Variants in PRKCB observed in about 807,000 individuals in gnomAD.
The protein encoded by PRKCB is protein kinase C beta type.
In PRKCB, 13 loss-of-function variants were observed where a neutral mutation model predicts 81.5. The ratio of observed to expected loss-of-function variants is 0.16; its 90% CI spans 0.10 to 0.25. The LOEUF (loss-of-function observed/expected upper bound fraction) is 0.25, where lower values mean the gene tolerates loss of function less well. PRKCB is among the 10% of genes least tolerant of loss of function. The pLI is 1.00. For synonymous variants in PRKCB, 335 were observed against 321.4 expected, an observed-to-expected ratio of 1.04 and a Z score of -0.45; for missense variants, 509 against 875.7, an observed-to-expected ratio of 0.58 and a Z score of 5.29.
At chr16:24,055,244 C>T (rs1046450875) in intron 5 of PRKCB, among the ~76,000 whole-genome samples, 11 of 152,238 alleles carry the variant, frequency 7.2e-5, no homozygotes, top group African/African-American at 2.4e-4. Context: ...AAGCTGACTG[C>T]TCTGAAACCC....
intron 2 of PRKCB, among the ~76,000 whole-genome samples, chr16:23,839,083 C>T (rs193096433): frequency 3.9e-5 from 6 of 152,274 alleles, no homozygotes; most frequent in Middle Eastern, 3.4e-3. Flanking sequence ...ATTTTTACCA[C>T]GGATCTTCTA....
chr16:23,912,859 C>T (rs899727870), intron 2 of PRKCB, among the ~76,000 whole-genome samples: 9 of 137,768 alleles, frequency 6.5e-5, no homozygotes, highest in Non-Finnish European at 1.5e-4. Context: ...GAGTCATGCT[C>T]TGTTGCCTAG....
In PRKCB at chr16:24,019,470, A is replaced by G. The variant is rs529018598; in HGVS notation, c.289-12666A>G. Among the ~76,000 whole-genome samples the G allele has an allele frequency of 1.1e-3, 165 of 152,312 alleles. 1 individual carries two copies. The highest frequency in any genetic ancestry group is 3.8e-3 in the African/African-American group (156 of 41,574). ...GATTTTTTTGTTTGTTTCACTTAAA[A>G]AATACAACCTTGGTCGGGTGCAGTG... On this transcript the variant is annotated intron_variant, in intron 3 of 16. Coordinates refer to ENST00000643927, the MANE Select transcript of PRKCB (RefSeq NM_002738.7).
At chr16:24,046,630 G>A (rs1219939035) in intron 5 of PRKCB, among the ~76,000 whole-genome samples, 1 of 152,094 alleles carries the variant, frequency 6.6e-6, no homozygotes, top group Admixed American at 6.5e-5. Flanking sequence ...CCAGAGGGAA[G>A]AGTGAAGCAG....
chr16:24,068,274 A>G (rs931428122), intron 5 of PRKCB, among the ~76,000 whole-genome samples: 2 of 152,154 alleles, frequency 1.3e-5, no homozygotes, highest in Non-Finnish European at 2.9e-5. Flanking sequence ...GAGAAAAATC[A>G]ATGCCTAGCG....
chr16:24,032,094 T>A (rs3729894), intron 3 of PRKCB, 42 bp from the exon 4 acceptor site: 1 of 1,409,954 alleles, frequency 7.1e-7, no homozygotes, highest in Non-Finnish European at 1.0e-6. Flanking sequence ...GTTGGCATGC[T>A]CCACTGACGC....
chr16:24,202,022 C>G (rs1967964992), intron 16 of PRKCB, among the ~76,000 whole-genome samples: 2 of 144,150 alleles, frequency 1.4e-5, no homozygotes, highest in South Asian at 4.4e-4. Flanking sequence ...GGCAAAAGAG[C>G]GAGACTCCGT....
intron 4 of PRKCB, among the ~76,000 whole-genome samples, chr16:24,033,323 A>T (rs1283360207): frequency 6.6e-6 from 1 of 152,190 alleles, no homozygotes; most frequent in East Asian, 1.9e-4. Context: ...AGACAGCAAG[A>T]AACACACATG....
intron 3 of PRKCB, among the ~76,000 whole-genome samples, chr16:24,021,198 CTT>C (rs1965384900): frequency 2.7e-5 from 1 of 37,326 alleles, no homozygotes; most frequent in Non-Finnish European, 4.5e-5. Context: ...CTCTTTCTTT[CTT>C]TCTTTCTTTC....
chr16:23,894,371 G>C (rs2141119024), intron 2 of PRKCB, among the ~76,000 whole-genome samples: 1 of 152,236 alleles, frequency 6.6e-6, no homozygotes, highest in Middle Eastern at 3.4e-3. Flanking sequence ...GGGAGTTTCT[G>C]GGTCAAAAAG....
At chr16:23,879,608 C>T (rs950981579) in intron 2 of PRKCB, among the ~76,000 whole-genome samples, 4 of 151,260 alleles carry the variant, frequency 2.6e-5, no homozygotes, top group African/African-American at 9.8e-5. Context: ...ATTCTCCAGC[C>T]TAGGCCTCCC....
chr16:24,014,055 C>G (rs2141839467), intron 3 of PRKCB, among the ~76,000 whole-genome samples: 1 of 152,344 alleles, frequency 6.6e-6, no homozygotes, highest in South Asian at 2.1e-4. Context: ...TCTTTCTGCT[C>G]TTCTGAAATG....
At chr16:24,078,345 C>T (rs184840372) in intron 5 of PRKCB, among the ~76,000 whole-genome samples, 64 of 152,326 alleles carry the variant, frequency 4.2e-4, no homozygotes, top group Admixed American at 2.9e-3. Context: ...GTTCCTGTCC[C>T]GAGGATATGA....
rs1962397371 is a variant in PRKCB at position 23,847,471 on chromosome 16, T to TTCATTCATCCAAACATCCAC, written c.205+10065_205+10066insTCATTCATCCAAACATCCAC. On this transcript the variant is annotated intron_variant, in intron 2 of 16. Coordinates refer to ENST00000643927, the MANE Select transcript of PRKCB (RefSeq NM_002738.7). ...ATCCATCCATCCATCCATCCATCCA[T>TTCATTCATCCAAACATCCAC]CCATCCACCCAGCTATTCTTCCATT... Among the ~76,000 whole-genome samples the TTCATTCATCCAAACATCCAC allele has an allele frequency of 1.8e-4, 26 of 141,910 alleles. 3 individuals carry two copies. Among genetic ancestry groups the TTCATTCATCCAAACATCCAC allele is most frequent in the South Asian group, 2.5e-4 (1 of 4,034 alleles). The allele number at this position is 141,910 out of a possible 152,430, so 93.1% of individuals were successfully genotyped here. A position where few individuals can be genotyped will look rare whatever the true frequency, so the allele number is the denominator to read the frequency against.
intron 4 of PRKCB, among the ~76,000 whole-genome samples, 198 bp downstream of exon 4, chr16:24,032,445 C>T (rs763452863): frequency 1.2e-4 from 19 of 152,172 alleles, no homozygotes; most frequent in Non-Finnish European, 2.2e-4. Flanking sequence ...ATTTTTTTAG[C>T]TCATGACTCT....
intron 5 of PRKCB, among the ~76,000 whole-genome samples, chr16:24,089,707 C>T (rs1457724976): frequency 1.3e-5 from 2 of 151,904 alleles, no homozygotes; most frequent in South Asian, 2.1e-4. Context: ...CCCGGGAGGT[C>T]GAGGCTGCAG....
intron 3 of PRKCB, among the ~76,000 whole-genome samples, chr16:23,989,889 G>C (rs1028242483): frequency 6.6e-6 from 1 of 152,254 alleles, no homozygotes; most frequent in African/African-American, 2.4e-5. Context: ...CCTGCTAATG[G>C]GAACTGAGGG....
chr16:23,848,064 G>A (rs897218891), intron 2 of PRKCB, among the ~76,000 whole-genome samples: 1 of 152,178 alleles, frequency 6.6e-6, no homozygotes, highest in Non-Finnish European at 1.5e-5. Context: ...GGACAACGCA[G>A]TTGAGATAGT....
chr16:23,992,160 T>C (rs980077560), intron 3 of PRKCB, among the ~76,000 whole-genome samples: 3 of 152,256 alleles, frequency 2.0e-5, no homozygotes, highest in Non-Finnish European at 4.4e-5. Flanking sequence ...CTTGATCTTG[T>C]ACTTTCTAGC....
Sources: gnomAD v4.1 joint callset for allele counts (sites outside exome capture counted in the v4.1 genomes callset) on GRCh38, gnomAD v4.1.1 for gene constraint, MANE v1.5 for transcripts, NCBI Gene and HGNC (gene_info 2026-07-23, HGNC 2026-07-21) for gene names.